Variants in BICDL1 observed in about 807,000 individuals in gnomAD.
The protein encoded by BICDL1 is BICD family-like cargo adapter 1.
A neutral mutation model predicts 76.8 loss-of-function variants in BICDL1; 20 were observed. The observed-to-expected ratio is 0.26, with a 90% CI of 0.18 to 0.38. BICDL1 has a LOEUF of 0.38. Ranked by LOEUF, BICDL1 falls within the 10% of genes least tolerant of loss-of-function variation. The pLI is 1.00. For missense variants in BICDL1, 700 were observed against 798.6 expected, an observed-to-expected ratio of 0.88 and a Z score of 1.49; for synonymous variants, 383 against 337.1, an observed-to-expected ratio of 1.14 and a Z score of -1.49.
intron 2 of BICDL1, among the ~76,000 whole-genome samples, chr12:120,059,686 A>G (rs534089881): frequency 6.6e-6 from 1 of 152,052 alleles, no homozygotes; most frequent in Admixed American, 6.6e-5. Context: ...CTGGGAGTAC[A>G]GACGTGAGTT....
intron 2 of BICDL1, among the ~76,000 whole-genome samples, chr12:120,050,349 C>G (rs1310295869): frequency 6.6e-6 from 1 of 151,246 alleles, no homozygotes; most frequent in Admixed American, 6.6e-5. Flanking sequence ...TCACTGCAAG[C>G]TACACCTCCT....
chr12:120,066,491 A>G (rs1412979940), intron 4 of BICDL1, among the ~76,000 whole-genome samples: 1 of 152,180 alleles, frequency 6.6e-6, no homozygotes, highest in Non-Finnish European at 1.5e-5. Flanking sequence ...GTATGCCTTC[A>G]GGGGCCTGAC....
chr12:120,067,481 G>A (rs972728116), intron 4 of BICDL1, among the ~76,000 whole-genome samples: 13 of 152,228 alleles, frequency 8.5e-5, no homozygotes, highest in Admixed American at 7.2e-4. Context: ...TATACTTAGT[G>A]TCATCTTTGT....
At chr12:120,008,673 T>A (rs1379954012) in intron 2 of BICDL1, among the ~76,000 whole-genome samples, 1 of 152,162 alleles carries the variant, frequency 6.6e-6, no homozygotes, top group Non-Finnish European at 1.5e-5. Flanking sequence ...ATTTGCTGGG[T>A]GGTATTGTTT....
At chr12:120,004,471 G>A (rs1220735903) in intron 2 of BICDL1, among the ~76,000 whole-genome samples, 2 of 152,200 alleles carry the variant, frequency 1.3e-5, no homozygotes, top group Non-Finnish European at 2.9e-5. Context: ...GTGATAAAGA[G>A]CATTCAACAG....
intron 2 of BICDL1, among the ~76,000 whole-genome samples, chr12:120,053,802 G>T (rs1018772100): frequency 2.6e-5 from 4 of 152,194 alleles, no homozygotes; most frequent in African/African-American, 9.7e-5. Context: ...GGTCCTCTCA[G>T]AGGACAGAGC....
At chr12:120,051,416 T>G (rs191328719) in intron 2 of BICDL1, among the ~76,000 whole-genome samples, 4 of 152,380 alleles carry the variant, frequency 2.6e-5, no homozygotes, top group Non-Finnish European at 5.9e-5. Flanking sequence ...TATCTGATAA[T>G]ATCAGGATGT....
intron 2 of BICDL1, among the ~76,000 whole-genome samples, chr12:120,030,182 G>A (rs1280210529): frequency 1.3e-5 from 2 of 152,080 alleles, no homozygotes; most frequent in East Asian, 3.9e-4. Context: ...TTGTCTCTAA[G>A]CAAATTTCAA....
At position 120,093,394 on chromosome 12, in the gene BICDL1, G is replaced by A. The variant is rs1418570190; in HGVS notation, c.*233G>A. 8 of 551,902 alleles carry A rather than the reference G, an allele frequency of 1.4e-5. No individual in the cohort carries two copies. The highest frequency in any genetic ancestry group is 6.1e-5 in the South Asian group (3 of 49,566). The allele number at this position is 551,902 out of a possible 1,614,324, so 34.2% of individuals were successfully genotyped here. On this transcript the variant is annotated 3_prime_UTR_variant, in exon 10 of 10. Transcript: ENST00000548673. The stretch of plus-strand genomic sequence containing the variant: ...TGGCCCACCGCCTGGCCAAGCCCAC[G>A]CCTGGGCTTCTCCAGGACCACGTGC...
At chr12:120,082,180 T>A (rs1874045559) in intron 8 of BICDL1, among the ~76,000 whole-genome samples, 1 of 152,246 alleles carries the variant, frequency 6.6e-6, no homozygotes, top group Non-Finnish European at 1.5e-5. Context: ...CTCATAGATT[T>A]GCTGCATTCT....
At chr12:120,084,690 G>A (rs1203502337) in intron 8 of BICDL1, among the ~76,000 whole-genome samples, 1 of 152,060 alleles carries the variant, frequency 6.6e-6, no homozygotes, top group Admixed American at 6.6e-5. Flanking sequence ...GGAGTTTTGA[G>A]GCCAGCCTGG....
In BICDL1 at chr12:120,092,134, C is replaced by T. The variant is rs552247426; in HGVS notation, c.1705-866C>T. 8 of 985,370 alleles carry T rather than the reference C, an allele frequency of 8.1e-6. No individual in the cohort carries two copies. In the African/African-American group the frequency reaches 1.4e-4, roughly 17 times the overall value. 61.0% of individuals were successfully genotyped at this position (985,370 alleles called of 1,614,324 possible). On this transcript the variant is annotated intron_variant, in intron 9 of 9. Coordinates refer to ENST00000548673, the MANE Select transcript of BICDL1 (RefSeq NM_001367886.1). ...AGGAGTTTTCAAACTTTGTTAGTGG[C>T]AGAACTTTTGTCAAATGGAGTCTTA... is the stretch of plus-strand genomic sequence containing the variant.
chr12:120,075,201 T>G (rs1043075034), intron 7 of BICDL1, among the ~76,000 whole-genome samples: 7 of 152,140 alleles, frequency 4.6e-5, no homozygotes, highest in African/African-American at 1.7e-4. Flanking sequence ...TCCTGTTGAC[T>G]GTGGTCATGT....
At chr12:119,996,187 T>G (rs1415943212) in intron 1 of BICDL1, among the ~76,000 whole-genome samples, 2 of 152,200 alleles carry the variant, frequency 1.3e-5, no homozygotes, top group African/African-American at 4.8e-5. Flanking sequence ...CTCCTTAAAG[T>G]TGTCAACTTG....
intron 9 of BICDL1, chr12:120,091,895 GC>G (rs1875006114): frequency 1.0e-6 from 1 of 985,254 alleles, no homozygotes; most frequent in South Asian, 4.7e-5. Context: ...GAGGTCATCT[GC>G]CCTGGCCACA....
chr12:120,091,004 C>T (rs1387974973), intron 9 of BICDL1: 2 of 1,289,058 alleles, frequency 1.6e-6, no homozygotes, highest in Middle Eastern at 2.1e-4. Context: ...AGTTGTACAC[C>T]CCTCCTGCCT....
intron 2 of BICDL1, among the ~76,000 whole-genome samples, chr12:120,013,204 C>T (rs1188648554): frequency 6.6e-6 from 1 of 151,718 alleles, no homozygotes; most frequent in East Asian, 1.9e-4. Context: ...GTCCCAGCTA[C>T]TCAGAAGGCT....
chr12:120,009,872 T>G (rs1951919998), intron 2 of BICDL1, among the ~76,000 whole-genome samples: 1 of 152,264 alleles, frequency 6.6e-6, no homozygotes, highest in Non-Finnish European at 1.5e-5. Context: ...TCATCTCCAT[T>G]TCTCTACATT....
intron 2 of BICDL1, among the ~76,000 whole-genome samples, chr12:120,036,347 A>G (rs1398890956): frequency 6.6e-6 from 1 of 152,348 alleles, no homozygotes; most frequent in East Asian, 1.9e-4. Flanking sequence ...TATCCATGGG[A>G]TAGCCTTTAT....
Sources: gnomAD v4.1 joint callset for allele counts (sites outside exome capture counted in the v4.1 genomes callset) on GRCh38, gnomAD v4.1.1 for gene constraint, MANE v1.5 for transcripts, NCBI Gene and HGNC (gene_info 2026-07-23, HGNC 2026-07-21) for gene names.